RERE: variants seen among roughly 807,000 people sequenced by gnomAD.
The protein encoded by RERE is arginine-glutamic acid dipeptide repeats protein.
A neutral mutation model predicts 146.1 loss-of-function variants in RERE; 40 were observed. The ratio of observed to expected loss-of-function variants is 0.27; its 90% CI spans 0.21 to 0.36. The LOEUF is 0.36. Among genes scored for constraint, RERE ranks in the 10% least tolerant of loss-of-function variants. The pLI is 1.00. For missense variants in RERE, 1,933 were observed against 2,138.7 expected (o/e 0.90, Z 1.90); for synonymous variants, 1,003 against 866.0 (o/e 1.16, Z -2.78).
chr1:8,696,497 C>A (rs567068361), intron 1 of RERE, among the ~76,000 whole-genome samples: 78 of 152,242 alleles, frequency 5.1e-4, no homozygotes, highest in African/African-American at 1.8e-3. Flanking sequence ...ATCTGTAGTC[C>A]CAGCTACTCA....
intron 1 of RERE, among the ~76,000 whole-genome samples, chr1:8,726,118 A>T (rs1032600894): frequency 6.7e-6 from 1 of 149,630 alleles, no homozygotes; most frequent in African/African-American, 2.5e-5. Flanking sequence ...TGAGTCAATA[A>T]GGGAATTCCA....
At chr1:8,756,427 T>C (rs1266213700) in intron 1 of RERE, among the ~76,000 whole-genome samples, 1 of 152,210 alleles carries the variant, frequency 6.6e-6, no homozygotes, top group African/African-American at 2.4e-5. Context: ...ACCCACACTC[T>C]TTTAAACAAA....
chr1:8,462,091 G>A (rs1378638778), intron 11 of RERE, among the ~76,000 whole-genome samples: 1 of 152,020 alleles, frequency 6.6e-6, no homozygotes, highest in Non-Finnish European at 1.5e-5. Flanking sequence ...TTTTAAGGTT[G>A]GTTTCTGAGG....
intron 1 of RERE, among the ~76,000 whole-genome samples, chr1:8,661,986 C>CA (rs1638467730): frequency 6.6e-6 from 1 of 152,190 alleles, no homozygotes; most frequent in Non-Finnish European, 1.5e-5. Context: ...TTTCCAAAGG[C>CA]AGTACCCTTA....
At chr1:8,386,571 C>G (rs1570114092) in intron 12 of RERE, among the ~76,000 whole-genome samples, 1 of 148,298 alleles carries the variant, frequency 6.7e-6, no homozygotes, top group South Asian at 2.2e-4. Context: ...ATATCTAGAA[C>G]TCTTACAAAT....
chr1:8,620,770 A>T (rs879895450), intron 3 of RERE, among the ~76,000 whole-genome samples: 3 of 151,222 alleles, frequency 2.0e-5, no homozygotes, highest in Non-Finnish European at 2.9e-5. Flanking sequence ...CCCTAATTCT[A>T]CCCTGCCTCT....
chr1:8,569,216 C>G (rs952028521), intron 4 of RERE, among the ~76,000 whole-genome samples: 2 of 150,634 alleles, frequency 1.3e-5, no homozygotes, highest in Admixed American at 6.6e-5. Flanking sequence ...CCCCTTAATC[C>G]CTACTAAAGC....
intron 12 of RERE, among the ~76,000 whole-genome samples, chr1:8,400,578 A>C (rs1174898823): frequency 6.6e-6 from 1 of 152,094 alleles, no homozygotes; most frequent in Admixed American, 6.5e-5. Flanking sequence ...TTCTATAAAC[A>C]CACATATATA....
rs145344350 is a variant in RERE at position 8,614,615 on chromosome 1, C to T, written c.468G>A (p.Pro156=). Residue 156 remains proline, a synonymous_variant, in exon 4 of 23, where the codon CCG becomes CCA. Transcript: ENST00000400908. The part of the protein sequence containing the change: ...ALCDPPACSL[P]VASQPPQHLS... ...GATGCTGTGGTGGCTGTGATGCCAC[C>T]GGCAGAGAGCATGCTGGGGGGTCAC... The T allele has an allele frequency of 1.4e-4, 232 of 1,612,872 alleles. 2 individuals carry two copies. Among genetic ancestry groups the T allele is most frequent in the Middle Eastern group, 1.3e-3 (8 of 6,048 alleles).
chr1:8,408,997 C>A (rs1157277241), intron 12 of RERE, among the ~76,000 whole-genome samples: 5 of 152,176 alleles, frequency 3.3e-5, no homozygotes, highest in Non-Finnish European at 5.9e-5. Context: ...AAAGGAATTT[C>A]TTCTACATTT....
chr1:8,391,971 G>A (rs1642895896), intron 12 of RERE, among the ~76,000 whole-genome samples: 1 of 152,182 alleles, frequency 6.6e-6, no homozygotes, highest in Non-Finnish European at 1.5e-5. Flanking sequence ...AGGCTGCAGT[G>A]AGCCAAGATC....
intron 1 of RERE, among the ~76,000 whole-genome samples, chr1:8,803,593 T>G (rs182535835): frequency 6.6e-6 from 1 of 152,136 alleles, no homozygotes; most frequent in East Asian, 1.9e-4. Flanking sequence ...TGGTTTTCTG[T>G]TTTTTTGAGA....
chr1:8,779,741 G>A (rs1641132797), intron 1 of RERE, among the ~76,000 whole-genome samples: 1 of 151,800 alleles, frequency 6.6e-6, no homozygotes, highest in African/African-American at 2.4e-5. Context: ...TCAGTGCCTA[G>A]AACAATGACA....
rs542617457 is a variant in RERE, at chr1:8,744,507, C to T, written c.-145+72653G>A. Among the ~76,000 whole-genome samples, 5 of 152,248 alleles carry T rather than the reference C, an allele frequency of 3.3e-5. No individual in the cohort carries two copies. In the East Asian group the frequency reaches 9.6e-4, roughly 29 times the overall value. On this transcript the variant is annotated intron_variant, in intron 1 of 22. Coordinates refer to ENST00000400908, the MANE Select transcript of RERE (RefSeq NM_001042681.2). ...CGCCTACTATCTAAAACATACACAG[C>T]AATGTAACTGATGGGTACATTCTCA... is the stretch of plus-strand genomic sequence containing the variant.
At chr1:8,471,315 T>C (rs1644681072) in intron 10 of RERE, among the ~76,000 whole-genome samples, 1 of 152,010 alleles carries the variant, frequency 6.6e-6, no homozygotes, top group Admixed American at 6.6e-5. Context: ...ATAGCCCTTC[T>C]TTTTTTCTCT....
chr1:8,502,469 G>A, intron 8 of RERE, among the ~76,000 whole-genome samples: 1 of 125,966 alleles, frequency 7.9e-6, no homozygotes, highest in East Asian at 2.6e-4. Flanking sequence ...GTGGTGGGGG[G>A]GTCAGCCCCC....
intron 1 of RERE, among the ~76,000 whole-genome samples, chr1:8,739,461 C>A (rs1458544614): frequency 6.6e-6 from 1 of 152,208 alleles, no homozygotes; most frequent in East Asian, 1.9e-4. Context: ...CTGCAAATGC[C>A]TGAGCACTGA....
chr1:8,568,592 C>G (rs1646180072), intron 4 of RERE, among the ~76,000 whole-genome samples: 1 of 152,196 alleles, frequency 6.6e-6, no homozygotes, highest in African/African-American at 2.4e-5. Flanking sequence ...CTTGTGAGCC[C>G]TACTGTCCTG....
At position 8,361,170 on chromosome 1, in the gene RERE, G is replaced by A. The variant is rs757450289; in HGVS notation, c.2337C>T (p.Pro779=). The A allele has an allele frequency of 4.1e-6, 6 of 1,457,730 alleles. No homozygotes were observed. Among genetic ancestry groups the A allele is most frequent in the Non-Finnish European group, 5.4e-6 (6 of 1,110,890 alleles). 90.3% of individuals were successfully genotyped at this position (1,457,730 alleles called of 1,614,324 possible). A position where few individuals can be genotyped will look rare whatever the true frequency, so the allele number is the denominator to read the frequency against. ...GCTGGTTAGGGGCCTGGGAGGCCGT[G>A]GGGGAGCCCTGTGGGGGAACTGCAG... is the stretch of plus-strand genomic sequence containing the variant. ...SATAVPPQGS[P]TASQAPNQPQ... is the part of the protein sequence containing the mutation. The change falls in exon 18 of 23, where the codon CCC becomes CCT. Residue 779 remains proline, a synonymous_variant. Coordinates refer to ENST00000400908, the MANE Select transcript of RERE (RefSeq NM_001042681.2).
Sources: allele counts gnomAD v4.1 joint callset (sites outside exome capture counted in the v4.1 genomes callset), GRCh38; gene constraint gnomAD v4.1.1; transcripts MANE v1.5; gene names NCBI Gene and HGNC (gene_info 2026-07-23, HGNC 2026-07-21).